DNA2: variants seen among roughly 807,000 people sequenced by gnomAD.
DNA2 encodes the protein DNA replication helicase/nuclease 2.
In DNA2, 101 loss-of-function variants were observed where a neutral mutation model predicts 119.1. The ratio of observed to expected loss-of-function variants is 0.85; its 90% CI spans 0.72 to 1.00. The LOEUF is 1.00. DNA2 is among the 50% of genes least tolerant of loss of function. The probability of loss-of-function intolerance (pLI) is 0.00; values close to 1 mark genes in which losing one functional copy is unlikely to be tolerated. For synonymous variants in DNA2, 366 were observed against 424.4 expected (o/e 0.86, Z 1.69); for missense variants, 1,121 against 1,255.5 (o/e 0.89, Z 1.62).
intron 9 of DNA2, among the ~76,000 whole-genome samples, chr10:68,442,249 C>T (rs1474357738): frequency 2.0e-5 from 3 of 149,924 alleles, no homozygotes; most frequent in Admixed American, 6.7e-5. Context: ...GACAGAGTCT[C>T]GCTCTGTCAC....
chr10:68,439,250 C>T (rs988487240), intron 9 of DNA2, among the ~76,000 whole-genome samples: 5 of 150,888 alleles, frequency 3.3e-5, no homozygotes, highest in African/African-American at 7.3e-5. Context: ...CAAAATTAGC[C>T]GGGTGTGGTG....
chr10:68,425,088 C>CTTTTTTTT lies in DNA2; in HGVS notation c.2209-2206_2209-2199dup, dbSNP rs60065153. 8.8e-4 allele frequency: 116 copies of CTTTTTTTT among 131,390 alleles called. 3 individuals are homozygous for CTTTTTTTT. The highest frequency in any genetic ancestry group is 6.1e-3 in the African/African-American group (109 of 17,982). The allele number at this position is 131,390 out of a possible 1,614,324, so 8.1% of individuals were successfully genotyped here. On this transcript the variant is annotated intron_variant, in intron 14 of 20. Transcript: ENST00000358410. ...TTTTCAGAATGTCTCTGGAACATTT[C>CTTTTTTTT]TTTTTTTTTTTTTTTTTTTTTTTTG...
At chr10:68,460,030 T>TACAAAC (rs1554909244) in intron 4 of DNA2, among the ~76,000 whole-genome samples, 3 of 145,602 alleles carry the variant, frequency 2.1e-5, no homozygotes, top group African/African-American at 7.6e-5. Flanking sequence ...CCATCACAAA[T>TACAAAC]ACACACACAC....
At chr10:68,463,612 A>C (rs2052289645) in intron 4 of DNA2, among the ~76,000 whole-genome samples, 1 of 149,060 alleles carries the variant, frequency 6.7e-6, no homozygotes, top group South Asian at 2.2e-4. Context: ...TGGAGCTTGC[A>C]GTGAGCCTAG....
At chr10:68,439,663 C>A (rs2051940394) in intron 9 of DNA2, among the ~76,000 whole-genome samples, 1 of 151,960 alleles carries the variant, frequency 6.6e-6, no homozygotes, top group Admixed American at 6.6e-5. Context: ...CATGGAGAAA[C>A]CCCGTCTCTA....
chr10:68,421,025 G>A (rs1590046774), intron 17 of DNA2, among the ~76,000 whole-genome samples: 1 of 150,596 alleles, frequency 6.6e-6, no homozygotes, highest in Non-Finnish European at 1.5e-5. Context: ...CGCAACCTCC[G>A]CCTCCCAGGT....
At chr10:68,448,966 T>TGTGTGTGC (rs1325187503) in intron 6 of DNA2, among the ~76,000 whole-genome samples, 7 of 131,176 alleles carry the variant, frequency 5.3e-5, no homozygotes, top group African/African-American at 9.2e-5. Flanking sequence ...TGTGTGTGTG[T>TGTGTGTGC]GCGTGTGTGT....
chr10:68,436,180 C>T (rs2051885977), intron 10 of DNA2, among the ~76,000 whole-genome samples: 1 of 152,162 alleles, frequency 6.6e-6, no homozygotes, highest in Admixed American at 6.5e-5. Flanking sequence ...AAATGTCCAT[C>T]AGCTGGTGAA....
At chr10:68,464,790 T>C (rs2052305182) in intron 4 of DNA2, among the ~76,000 whole-genome samples, 2 of 117,994 alleles carry the variant, frequency 1.7e-5, no homozygotes, top group Admixed American at 2.5e-4. Flanking sequence ...GATCACACCA[T>C]TACACTCCAG....
intron 10 of DNA2, among the ~76,000 whole-genome samples, chr10:68,434,525 A>C (rs1037365036): frequency 9.3e-5 from 14 of 151,350 alleles, no homozygotes; most frequent in African/African-American, 3.4e-4. Flanking sequence ...GGTGGCATGC[A>C]CCTGTGGTCC....
In DNA2 at chr10:68,430,607, G is replaced by A. The variant is rs1307592884; in HGVS notation, c.2037C>T (p.His679=). 2.5e-6 allele frequency: 4 copies of A among 1,607,300 alleles called. No individual in the cohort carries two copies. The highest frequency in any genetic ancestry group is 3.4e-6 in the Non-Finnish European group (4 of 1,176,652). The part of the protein sequence containing the change: ...GFSVLLTSYT[H]SAVDNILLKL... ...TCAAAAGAATATTGTCAACAGCAGA[G>A]TGTGTATAGCTGGTCAACAAAACGC... Residue 679 remains histidine (H), a synonymous_variant, in exon 14 of 21, where the codon CAC becomes CAT. Coordinates refer to ENST00000358410, the MANE Select transcript of DNA2 (RefSeq NM_001080449.3).
intron 5 of DNA2, among the ~76,000 whole-genome samples, chr10:68,452,888 T>C (rs924939343): frequency 1.3e-5 from 2 of 148,586 alleles, no homozygotes; most frequent in Non-Finnish European, 3.0e-5. Flanking sequence ...GCGGCCACTA[T>C]ATGTTTATTA....
chr10:68,442,473 G>A (rs1302136998), intron 9 of DNA2, among the ~76,000 whole-genome samples: 6 of 151,254 alleles, frequency 4.0e-5, no homozygotes, highest in East Asian at 3.9e-4. Context: ...TGCAGCCTCC[G>A]CCTCCCAGGT....
At chr10:68,459,921 G>A (rs1490944205) in intron 4 of DNA2, among the ~76,000 whole-genome samples, 1 of 151,682 alleles carries the variant, frequency 6.6e-6, no homozygotes, top group African/African-American at 2.4e-5. Flanking sequence ...CCGCTCCTTG[G>A]GAGGCTGAGG....
chr10:68,442,985 G>A lies in DNA2; in HGVS notation c.1347C>T (p.Thr449=), dbSNP rs1333429642. The change falls in exon 9 of 21, where the codon ACC becomes ACT. Residue 449 remains threonine (T), a synonymous_variant. Coordinates refer to ENST00000358410, the MANE Select transcript of DNA2 (RefSeq NM_001080449.3). ...EYFSLWCLML[T]LESQSKDNKK... is the part of the protein sequence containing the mutation. ...TATTATCCTTCGATTGTGACTCCAG[G>A]GTTAACATTAGACACCAAAGGCTGA... is the stretch of plus-strand genomic sequence containing the variant. 6.8e-6 allele frequency: 11 copies of A among 1,612,644 alleles called. No individual in the cohort carries two copies. In the South Asian group the frequency reaches 9.9e-5, roughly 15 times the overall value.
At chr10:68,424,223 G>A (rs779340633) in intron 14 of DNA2, among the ~76,000 whole-genome samples, 1 of 152,144 alleles carries the variant, frequency 6.6e-6, no homozygotes, top group Non-Finnish European at 1.5e-5. Flanking sequence ...TGATAACTGG[G>A]CCAGGTACAG....
rs74630154 is a variant in DNA2, at chr10:68,416,002, C to G, written c.3114+707G>C. Among the ~76,000 whole-genome samples, 5 of 152,198 alleles carry G rather than the reference C, an allele frequency of 3.3e-5. No homozygotes were observed. In the East Asian group the frequency reaches 9.7e-4, roughly 29 times the overall value. On this transcript the variant is annotated intron_variant, in intron 20 of 20. Transcript: ENST00000358410. The stretch of plus-strand genomic sequence containing the variant: ...CTTAAGGCCAGGTGCAGTGGCTCAC[C>G]TCCTCTCTATTAAAAATTTTAAAAA...
At chr10:68,424,637 C>T (rs1282401611) in intron 14 of DNA2, 3 of 1,593,482 alleles carry the variant, frequency 1.9e-6, no homozygotes, top group African/African-American at 2.7e-5. Context: ...TGCACGTGCA[C>T]CGGAAGATCA....
At chr10:68,444,885 C>T (rs987851482) in intron 8 of DNA2, 36 bp downstream of exon 8, 1 of 1,572,388 alleles carries the variant, frequency 6.4e-7, no homozygotes. Context: ...AGTTCATACT[C>T]AACTAGAAAT....
Sources: gnomAD v4.1 joint callset for allele counts (sites outside exome capture counted in the v4.1 genomes callset) on GRCh38, gnomAD v4.1.1 for gene constraint, MANE v1.5 for transcripts, NCBI Gene and HGNC (gene_info 2026-07-23, HGNC 2026-07-21) for gene names.